Variants in TRDN observed in about 807,000 individuals in gnomAD.
The protein encoded by TRDN is triadin.
Under a neutral mutation model 149.7 loss-of-function variants are expected in TRDN, and 161 were observed. The ratio of observed to expected loss-of-function variants is 1.08; its 90% confidence interval spans 0.95 to 1.23. The LOEUF (loss-of-function observed/expected upper bound fraction) is 1.23, where lower values mean the gene tolerates loss of function less well. TRDN is among the 50% of genes most tolerant of loss of function. The pLI is 0.00. For synonymous variants in TRDN, 294 were observed against 250.5 expected (o/e 1.17, Z -1.64); for missense variants, 896 against 823.5 (o/e 1.09, Z -1.08).
Position 123,426,572 on chromosome 6 carries a change from AGCCAT to A in TRDN, c.1051+11486_1051+11490del, listed in dbSNP as rs1392193028. ...CTGATAGGCTTATATCACATGTTCA[AGCCAT>A]GGTGTATTTTCTTCTTTCTCCTCAG... On this transcript the variant is annotated intron_variant, in intron 12 of 40. Transcript: ENST00000334268. Among the ~76,000 whole-genome samples, 6 of 152,258 alleles carry A rather than the reference AGCCAT, an allele frequency of 3.9e-5. No individual in the cohort carries two copies. The East Asian group carries it at 7.7e-4, about 20-fold the overall frequency.
In TRDN at chr6:123,390,809, G is replaced by A. The variant is rs921124485; in HGVS notation, c.1106-2258C>T. Among the ~76,000 whole-genome samples the A allele has an allele frequency of 7.9e-5, 12 of 152,026 alleles. No homozygotes were observed. The South Asian group carries it at 8.3e-4, about 11-fold the overall frequency. ...ATGGTTCTCAATAACTGGGTTTTTGGTTTTCACATTGTAAAAAGACTGGAA... is the reference window on the plus strand; with the variant it reads ...ATGGTTCTCAATAACTGGGTTTTTGATTTTCACATTGTAAAAAGACTGGAA... On this transcript the variant is annotated intron_variant, in intron 13 of 40. Transcript: ENST00000334268.
intron 10 of TRDN, among the ~76,000 whole-genome samples, chr6:123,446,549 C>T (rs898400399): frequency 1.5e-5 from 2 of 133,942 alleles, no homozygotes; most frequent in Non-Finnish European, 3.1e-5. Flanking sequence ...TGTGCCACTG[C>T]ACTCCAGTCT....
chr6:123,553,036 C>G (rs530056043), intron 2 of TRDN, among the ~76,000 whole-genome samples: 5 of 152,110 alleles, frequency 3.3e-5, no homozygotes, highest in Non-Finnish European at 7.3e-5. Flanking sequence ...GGATCTTATG[C>G]GTAATACATG....
At chr6:123,356,735 A>G (rs1357638662) in intron 20 of TRDN, among the ~76,000 whole-genome samples, 2 of 150,632 alleles carry the variant, frequency 1.3e-5, no homozygotes, top group East Asian at 1.9e-4. Flanking sequence ...TAGAATTACA[A>G]TTATAAATTT....
chr6:123,347,643 A>G (rs1780306618), intron 21 of TRDN, among the ~76,000 whole-genome samples: 1 of 151,990 alleles, frequency 6.6e-6, no homozygotes, highest in African/African-American at 2.4e-5. Context: ...CTGTTGATTG[A>G]TTGTACTTGC....
At chr6:123,276,973 C>G (rs369417332) in intron 26 of TRDN, among the ~76,000 whole-genome samples, 4 of 152,260 alleles carry the variant, frequency 2.6e-5, no homozygotes, top group East Asian at 1.9e-4. Flanking sequence ...GTACAGAGCA[C>G]TGAGCCAGAA....
chr6:123,280,907 T>C (rs1777564124), intron 24 of TRDN, among the ~76,000 whole-genome samples: 1 of 152,212 alleles, frequency 6.6e-6, no homozygotes, highest in Non-Finnish European at 1.5e-5. Context: ...TTGGTGCGAT[T>C]CCTAATACAT....
At chr6:123,427,136 T>G (rs1408324013) in intron 12 of TRDN, among the ~76,000 whole-genome samples, 3 of 151,996 alleles carry the variant, frequency 2.0e-5, no homozygotes, top group African/African-American at 7.2e-5. Flanking sequence ...TATGCAGATA[T>G]CAATAAAACA....
intron 21 of TRDN, among the ~76,000 whole-genome samples, chr6:123,347,741 C>T (rs1780311170): frequency 6.6e-6 from 1 of 151,808 alleles, no homozygotes; most frequent in African/African-American, 2.4e-5. Flanking sequence ...GAGAATTGAA[C>T]AATATTAGAG....
intron 19 of TRDN, among the ~76,000 whole-genome samples, chr6:123,368,807 C>T (rs1223197150): frequency 6.6e-6 from 1 of 152,152 alleles, no homozygotes; most frequent in Non-Finnish European, 1.5e-5. Context: ...GGTATCTGAT[C>T]CCATTAATAC....
At chr6:123,578,069 C>T (rs1782942481) in intron 1 of TRDN, among the ~76,000 whole-genome samples, 1 of 152,030 alleles carries the variant, frequency 6.6e-6, no homozygotes, top group Admixed American at 6.6e-5. Context: ...AAATTTTCTT[C>T]CATTCTGTAT....
At chr6:123,489,074 T>C (rs374453672) in intron 9 of TRDN, among the ~76,000 whole-genome samples, 3 of 152,288 alleles carry the variant, frequency 2.0e-5, no homozygotes, top group South Asian at 4.1e-4. Flanking sequence ...ACCTTAGCCT[T>C]GTATATTTTT....
intron 10 of TRDN, among the ~76,000 whole-genome samples, chr6:123,450,832 A>G (rs969268580): frequency 2.0e-5 from 3 of 152,152 alleles, no homozygotes; most frequent in African/African-American, 7.2e-5. Context: ...TTTCTCCAAG[A>G]TAGATCATAT....
chr6:123,443,028 G>T (rs1427498906), intron 10 of TRDN, among the ~76,000 whole-genome samples: 1 of 151,900 alleles, frequency 6.6e-6, no homozygotes, highest in East Asian at 1.9e-4. Flanking sequence ...CCTTTCACCT[G>T]TTTATTCCTT....
intron 12 of TRDN, among the ~76,000 whole-genome samples, chr6:123,416,579 T>C (rs1346754759): frequency 6.6e-6 from 1 of 152,200 alleles, no homozygotes; most frequent in Non-Finnish European, 1.5e-5. Context: ...CAATTCTTCA[T>C]AGCAAGTATC....
chr6:123,485,859 A>G (rs1777950292), intron 9 of TRDN, among the ~76,000 whole-genome samples: 1 of 152,022 alleles, frequency 6.6e-6, no homozygotes, highest in Non-Finnish European at 1.5e-5. Flanking sequence ...TATTCTATTT[A>G]ATTTTTTTCT....
At chr6:123,586,297 A>G (rs1418666936) in intron 1 of TRDN, among the ~76,000 whole-genome samples, 1 of 152,040 alleles carries the variant, frequency 6.6e-6, no homozygotes, top group Admixed American at 6.6e-5. Flanking sequence ...TATAGGGTGG[A>G]GGACCGGAGG....
At chr6:123,579,606 TTTG>T (rs1397147591) in intron 1 of TRDN, among the ~76,000 whole-genome samples, 29 of 152,254 alleles carry the variant, frequency 1.9e-4, no homozygotes, top group African/African-American at 6.7e-4. Flanking sequence ...ATTTTCTTTT[TTTG>T]TTGTTGTGCC....
intron 20 of TRDN, among the ~76,000 whole-genome samples, chr6:123,353,926 T>C (rs1244520042): frequency 1.3e-5 from 2 of 151,790 alleles, no homozygotes; most frequent in Admixed American, 1.3e-4. Flanking sequence ...ACACAAGATA[T>C]TATAGGGTAA....
Sources: gnomAD v4.1 joint callset for allele counts (sites outside exome capture counted in the v4.1 genomes callset) on GRCh38, gnomAD v4.1.1 for gene constraint, MANE v1.5 for transcripts, NCBI Gene and HGNC (gene_info 2026-07-23, HGNC 2026-07-21) for gene names.